Variants in IL10RB observed in about 807,000 individuals in gnomAD.
IL10RB encodes interleukin 10 receptor subunit beta.
A neutral mutation model predicts 38.7 loss-of-function variants in IL10RB; 30 were observed. That is an observed-to-expected ratio of 0.78 (90% CI 0.58 to 1.05). The LOEUF (loss-of-function observed/expected upper bound fraction) is 1.05. Ranked by LOEUF, IL10RB falls within the 50% of genes least tolerant of loss-of-function variation. The probability of loss-of-function intolerance (pLI) is 0.00; values close to 1 mark genes in which losing one functional copy is unlikely to be tolerated. For missense variants in IL10RB, 328 were observed against 397.1 expected (o/e 0.83, Z 1.48); for synonymous variants, 142 against 145.9 (o/e 0.97, Z 0.19).
At chr21:33,268,773 T>C (rs1038167776) in intron 2 of IL10RB, among the ~76,000 whole-genome samples, 3 of 152,224 alleles carry the variant, frequency 2.0e-5, no homozygotes, top group Non-Finnish European at 2.9e-5. Flanking sequence ...AGACATTTTA[T>C]CATGCGTATG....
intron 3 of IL10RB, among the ~76,000 whole-genome samples, chr21:33,277,668 C>T (rs142336254): frequency 1.8e-4 from 17 of 92,988 alleles, no homozygotes; most frequent in South Asian, 4.2e-4. Context: ...TTCTTTCTTT[C>T]TTTTTTTTTT....
chr21:33,301,273 A>G (rs1355546186), downstream of IL10RB, among the ~76,000 whole-genome samples: 2 of 152,194 alleles, frequency 1.3e-5, no homozygotes, highest in South Asian at 2.1e-4. Context: ...AGTCAGGTCC[A>G]TGGTTCTGTC....
At chr21:33,284,959 G>A (rs1471117420) in intron 5 of IL10RB, among the ~76,000 whole-genome samples, 2 of 152,036 alleles carry the variant, frequency 1.3e-5, no homozygotes, top group South Asian at 2.1e-4. Context: ...GCAGTGGCTC[G>A]ATCTTGGCAC....
At chr21:33,292,687 G>A (rs1023955139) in intron 6 of IL10RB, among the ~76,000 whole-genome samples, 2 of 152,190 alleles carry the variant, frequency 1.3e-5, no homozygotes, top group South Asian at 2.1e-4. Flanking sequence ...AGATGGCCCC[G>A]CCTGACCCCA....
intron 6 of IL10RB, among the ~76,000 whole-genome samples, chr21:33,291,427 G>A (rs185254886): frequency 3.0e-4 from 45 of 152,158 alleles, no homozygotes; most frequent in African/African-American, 1.1e-3. Context: ...CACCACGCCC[G>A]GCTAATTTTT....
intron 2 of IL10RB, among the ~76,000 whole-genome samples, chr21:33,274,944 C>T (rs559032394): frequency 6.6e-6 from 1 of 152,274 alleles, no homozygotes; most frequent in Admixed American, 6.5e-5. Flanking sequence ...TAGATGACAT[C>T]TTAATAGAAG....
chr21:33,288,767 T>G (rs763173084), intron 6 of IL10RB, among the ~76,000 whole-genome samples: 1 of 152,090 alleles, frequency 6.6e-6, no homozygotes, highest in Non-Finnish European at 1.5e-5. Context: ...TGTAAAAGGG[T>G]TAGGAAGAAG....
intron 3 of IL10RB, among the ~76,000 whole-genome samples, 185 bp from the exon 4 acceptor site, chr21:33,279,567 A>G (rs1319483551): frequency 6.6e-6 from 1 of 152,264 alleles, no homozygotes; most frequent in African/African-American, 2.4e-5. Flanking sequence ...GACAAAGATT[A>G]TCAGATTTTT....
chr21:33,307,034 A>G (rs2083000567), intron 1 of IL10RB, among the ~76,000 whole-genome samples: 6 of 152,156 alleles, frequency 3.9e-5, no homozygotes, highest in Admixed American at 3.3e-4. Context: ...CCCAGAATAA[A>G]GCCCAAATCC....
chr21:33,283,316 C>A, intron 5 of IL10RB, 75 bp downstream of exon 5: 1 of 1,425,528 alleles, frequency 7.0e-7, no homozygotes, highest in Non-Finnish European at 9.9e-7. Context: ...TGATTGCATC[C>A]AACTCAAATT....
chr21:33,268,164 G>T, intron 1 of IL10RB: 1 of 1,370,278 alleles, frequency 7.3e-7, no homozygotes, highest in African/African-American at 1.5e-5. Flanking sequence ...CAAATCCAAG[G>T]CTCCTTTGTC....
chr21:33,284,654 T>G (rs775890741), intron 5 of IL10RB, among the ~76,000 whole-genome samples: 6 of 152,182 alleles, frequency 3.9e-5, no homozygotes, highest in Non-Finnish European at 7.3e-5. Flanking sequence ...GGCCCATTTC[T>G]CATGAATGGC....
chr21:33,273,373 AGT>A (rs1989114558), intron 2 of IL10RB, among the ~76,000 whole-genome samples: 1 of 152,206 alleles, frequency 6.6e-6, no homozygotes, highest in African/African-American at 2.4e-5. Context: ...TAGTCCATTA[AGT>A]GTGTGATAGC....
At chr21:33,269,882 T>G (rs933893315) in intron 2 of IL10RB, among the ~76,000 whole-genome samples, 1 of 152,092 alleles carries the variant, frequency 6.6e-6, no homozygotes, top group African/African-American at 2.4e-5. Flanking sequence ...ATGGTCACTA[T>G]CTCCTGACCT....
In IL10RB at chr21:33,296,341, A is replaced by T; in HGVS notation, c.962A>T (p.Gln321Leu). 1 of 1,612,130 alleles carries T rather than the reference A, an allele frequency of 6.2e-7. No homozygotes were observed. The highest frequency in any genetic ancestry group is 8.5e-7 in the Non-Finnish European group (1 of 1,178,540). ...TGCAGCCTCGGGACCCCGCCTGGGC[A>T]GGGGCCCCAAAGCTAGGCTCTGAGA... ...DSCSLGTPPG[Q>L]GPQS The change falls in exon 7 of 7, where the codon CAG becomes CTG. Residue 321 changes from glutamine (Q) to leucine (L), a missense_variant. Gln to Leu is a moderately radical substitution (Grantham distance 113, BLOSUM62 -2). Coordinates refer to ENST00000290200, the MANE Select transcript of IL10RB (RefSeq NM_000628.5).
At chr21:33,269,355 G>C (rs1485596136) in intron 2 of IL10RB, among the ~76,000 whole-genome samples, 1 of 152,202 alleles carries the variant, frequency 6.6e-6, no homozygotes, top group Non-Finnish European at 1.5e-5. Context: ...GGAGGCCCAA[G>C]GCTGACAAGC....
intron 2 of IL10RB, among the ~76,000 whole-genome samples, chr21:33,269,115 G>A (rs1989029185): frequency 6.6e-6 from 1 of 152,230 alleles, no homozygotes; most frequent in Non-Finnish European, 1.5e-5. Context: ...GCTACTGACT[G>A]TTAAAAACCC....
At chr21:33,280,599 T>C (rs570346923) in intron 4 of IL10RB, among the ~76,000 whole-genome samples, 1 of 152,366 alleles carries the variant, frequency 6.6e-6, no homozygotes, top group South Asian at 2.1e-4. Flanking sequence ...TCCTTCCTCT[T>C]TGCTAGACAT....
chr21:33,270,653 C>A (rs1219690231), intron 2 of IL10RB, among the ~76,000 whole-genome samples: 1 of 151,078 alleles, frequency 6.6e-6, no homozygotes, highest in East Asian at 1.9e-4. Context: ...GGATTACAGG[C>A]GTGAGCCACC....
Sources: gnomAD v4.1 joint callset for allele counts (sites outside exome capture counted in the v4.1 genomes callset) on GRCh38, gnomAD v4.1.1 for gene constraint, MANE v1.5 for transcripts, NCBI Gene and HGNC (gene_info 2026-07-23, HGNC 2026-07-21) for gene names.